The following CCDC88A variants were observed in gnomAD, a reference collection of about 807,000 sequenced individuals.
The protein encoded by CCDC88A is girdin.
In CCDC88A, 54 loss-of-function variants were observed where a neutral mutation model predicts 234.3. That is an observed-to-expected ratio of 0.23 (90% CI 0.19 to 0.29). CCDC88A has a LOEUF of 0.29. Ranked by LOEUF, CCDC88A falls within the 10% of genes least tolerant of loss-of-function variation. The pLI is 1.00. For missense variants in CCDC88A, 1,832 were observed against 2,123.4 expected (o/e 0.86, Z 2.70); for synonymous variants, 753 against 737.8 (o/e 1.02, Z -0.33).
At chr2:55,360,577 A>C (rs929195807) in intron 7 of CCDC88A, among the ~76,000 whole-genome samples, 2 of 152,210 alleles carry the variant, frequency 1.3e-5, no homozygotes, top group Non-Finnish European at 2.9e-5. Flanking sequence ...AAGAAATTCA[A>C]CAAAAATGCT....
chr2:55,419,213 G>A lies in CCDC88A; in HGVS notation c.-134C>T, dbSNP rs1482776457. The A allele has an allele frequency of 6.3e-6, 4 of 635,150 alleles. No individual in the cohort carries two copies. In the East Asian group the frequency reaches 8.2e-5, roughly 13 times the overall value. The allele number at this position is 635,150 out of a possible 1,614,324, so 39.3% of individuals were successfully genotyped here. ...GGAGAAAAATCCCATCGTGGAGGAG[G>A]GGGGCACTCTCCCTCCTCAAAAAAC... is the stretch of plus-strand genomic sequence containing the variant. On this transcript the variant is annotated 5_prime_UTR_variant, in exon 1 of 33. Transcript: ENST00000436346.
chr2:55,377,667 T>C (rs1673895330), intron 3 of CCDC88A, among the ~76,000 whole-genome samples: 1 of 152,148 alleles, frequency 6.6e-6, no homozygotes, highest in Non-Finnish European at 1.5e-5. Context: ...TGGAGTGCAA[T>C]GGCATCATCT....
At chr2:55,312,263 G>A (rs778266064) in intron 23 of CCDC88A, among the ~76,000 whole-genome samples, 171 bp downstream of exon 23, 3 of 152,120 alleles carry the variant, frequency 2.0e-5, no homozygotes, top group Non-Finnish European at 4.4e-5. Flanking sequence ...CAAGATGCAT[G>A]TGTTTTCATG....
chr2:55,360,349 G>C (rs1247565692), intron 7 of CCDC88A, among the ~76,000 whole-genome samples: 4 of 152,150 alleles, frequency 2.6e-5, no homozygotes, highest in Non-Finnish European at 5.9e-5. Flanking sequence ...CTAATTGAAT[G>C]ACATAGAATT....
At chr2:55,322,409 A>AT (rs1474603754) in intron 18 of CCDC88A, 119 bp downstream of exon 18, 1 of 639,428 alleles carries the variant, frequency 1.6e-6, no homozygotes, top group African/African-American at 1.9e-5. Flanking sequence ...TATGACTAGA[A>AT]TTTTCTTATT....
At chr2:55,393,636 C>A (rs2104912566) in intron 2 of CCDC88A, among the ~76,000 whole-genome samples, 1 of 152,006 alleles carries the variant, frequency 6.6e-6, no homozygotes, top group African/African-American at 2.4e-5. Flanking sequence ...AATTAACCAC[C>A]TTTCAAAACT....
intron 18 of CCDC88A, among the ~76,000 whole-genome samples, chr2:55,319,736 GATT>G (rs1181747619): frequency 2.6e-5 from 4 of 151,928 alleles, no homozygotes; most frequent in South Asian, 4.2e-4. Context: ...GTGAATCAAT[GATT>G]ATTATATTTT....
intron 23 of CCDC88A, among the ~76,000 whole-genome samples, chr2:55,310,168 GTT>G (rs1682164391): frequency 6.6e-6 from 1 of 152,156 alleles, no homozygotes; most frequent in Non-Finnish European, 1.5e-5. Flanking sequence ...GTGAGGGAGA[GTT>G]TTTGTTTTAC....
intron 23 of CCDC88A, among the ~76,000 whole-genome samples, chr2:55,311,596 T>C (rs1682358519): frequency 6.6e-6 from 1 of 152,236 alleles, no homozygotes; most frequent in South Asian, 2.1e-4. Context: ...TGTGAGTGGA[T>C]GAATTGGGAC....
At chr2:55,416,443 A>AATATATATATATATAT (rs60840841) in intron 2 of CCDC88A, among the ~76,000 whole-genome samples, 2 of 15,796 alleles carry the variant, frequency 1.3e-4, no homozygotes, top group African/African-American at 1.7e-4. Flanking sequence ...TAAATAAATA[A>AATATATATATATATAT]ATATATATAT....
chr2:55,341,831 G>A (rs1204224736), intron 12 of CCDC88A, among the ~76,000 whole-genome samples: 1 of 152,070 alleles, frequency 6.6e-6, no homozygotes, highest in African/African-American at 2.4e-5. Context: ...ACAGACACAG[G>A]TTGATTCCAT....
intron 5 of CCDC88A, among the ~76,000 whole-genome samples, chr2:55,369,453 T>A (rs1239934270): frequency 2.1e-5 from 1 of 47,768 alleles, no homozygotes; most frequent in East Asian, 0.013. Flanking sequence ...ACCACACTTT[T>A]TTTTTTTTTT....
rs952842769 is a variant in CCDC88A, at chr2:55,419,816, G to C, written c.-737C>G. ...ATCCCTGGCACAAAATCACCGCCGC[G>C]CTCCAGCCTTCTCCGCCCTCTATGG... On this transcript the variant is annotated 5_prime_UTR_variant, in exon 1 of 33. Transcript: ENST00000436346. 6.6e-6 allele frequency: 1 copy of C among 152,530 alleles called. No homozygotes were observed. The highest frequency in any genetic ancestry group is 1.9e-4 in the East Asian group (1 of 5,152). The allele number at this position is 152,530 out of a possible 1,614,324, so 9.4% of individuals were successfully genotyped here.
intron 22 of CCDC88A, 93 bp downstream of exon 22, chr2:55,315,835 T>C (rs1187443144): frequency 7.7e-6 from 5 of 651,914 alleles, no homozygotes; most frequent in Non-Finnish European, 9.9e-6. Flanking sequence ...ACTAAATATA[T>C]ACTAGTATTG....
chr2:55,310,643 G>C (rs889257407), intron 23 of CCDC88A, among the ~76,000 whole-genome samples: 1 of 152,118 alleles, frequency 6.6e-6, no homozygotes, highest in Non-Finnish European at 1.5e-5. Flanking sequence ...CTATTTGAGA[G>C]GGAAGGCTGA....
chr2:55,384,603 A>G (rs982390329), intron 3 of CCDC88A, among the ~76,000 whole-genome samples: 1 of 123,272 alleles, frequency 8.1e-6, no homozygotes, highest in African/African-American at 3.5e-5. Flanking sequence ...ATATATACGT[A>G]TATATGTGTA....
Position 55,302,023 on chromosome 2 carries a change from A to C in CCDC88A, c.4521T>G (p.Gly1507=). 1.2e-6 allele frequency: 2 copies of C among 1,614,090 alleles called. No individual in the cohort carries two copies. The highest frequency in any genetic ancestry group is 1.7e-6 in the Non-Finnish European group (2 of 1,179,960). ...QSMVLAGQWT[G]STENLEVPDD... Reference sequence around the variant, plus strand: ...CAGGAACCTCCAAATTCTCAGTACTACCTGTCCACTGTCCTGCTAGGACCA... The same window carrying C: ...CAGGAACCTCCAAATTCTCAGTACTCCCTGTCCACTGTCCTGCTAGGACCA... Residue 1507 remains glycine, a synonymous_variant, in exon 27 of 33, where the codon GGT becomes GGG. Transcript: ENST00000436346.
chr2:55,355,789 T>C (rs778029413), intron 7 of CCDC88A, 38 bp from the exon 8 acceptor site: 4 of 1,546,294 alleles, frequency 2.6e-6, no homozygotes, highest in South Asian at 1.1e-5. Flanking sequence ...GTATTCTACA[T>C]ATTAGCAAAC....
rs1323781674 is a variant in CCDC88A at position 55,290,724 on chromosome 2, C to A, written c.*476G>T. 1 of 152,500 alleles carries A rather than the reference C, an allele frequency of 6.6e-6. No individual in the cohort carries two copies. The highest frequency in any genetic ancestry group is 1.9e-4 in the East Asian group (1 of 5,200). 9.4% of individuals were successfully genotyped at this position (152,500 alleles called of 1,614,324 possible). A position where few individuals can be genotyped will look rare whatever the true frequency, so the allele number is the denominator to read the frequency against. On this transcript the variant is annotated 3_prime_UTR_variant, in exon 33 of 33. Coordinates refer to ENST00000436346, the MANE Select transcript of CCDC88A (RefSeq NM_001365480.1). ...GTATCTTGCTATATAGTACATTCCACAAAATACTACAGCATTTAATTTAGG... is the reference window on the plus strand; with the variant it reads ...GTATCTTGCTATATAGTACATTCCAAAAAATACTACAGCATTTAATTTAGG...
Sources: allele counts gnomAD v4.1 joint callset (sites outside exome capture counted in the v4.1 genomes callset), GRCh38; gene constraint gnomAD v4.1.1; transcripts MANE v1.5; gene names NCBI Gene and HGNC (gene_info 2026-07-23, HGNC 2026-07-21).